Variants in ASXL3 observed in about 807,000 individuals in gnomAD.
The protein encoded by ASXL3 is ASXL transcriptional regulator 3, also known as putative Polycomb group protein ASXL3.
A neutral mutation model predicts 170.6 loss-of-function variants in ASXL3; 34 were observed. The ratio of observed to expected loss-of-function variants is 0.20; its 90% CI spans 0.15 to 0.27. The LOEUF (loss-of-function observed/expected upper bound fraction) is 0.27, where lower values mean the gene tolerates loss of function less well. Ranked by LOEUF, ASXL3 falls within the 10% of genes least tolerant of loss-of-function variation. The pLI, the probability that ASXL3 is intolerant of heterozygous loss-of-function variation, is 1.00. For missense variants in ASXL3, 2,592 were observed against 2,695.3 expected (o/e 0.96, Z 0.85); for synonymous variants, 1,002 against 989.1 (o/e 1.01, Z -0.24).
At chr18:33,592,158 A>G (rs919836679) in intron 1 of ASXL3, among the ~76,000 whole-genome samples, 5 of 152,186 alleles carry the variant, frequency 3.3e-5, no homozygotes, top group African/African-American at 1.2e-4. Flanking sequence ...ATCTAAGCAC[A>G]TGAAAGGTAT....
At chr18:33,672,158 A>G (rs898328813) in intron 7 of ASXL3, among the ~76,000 whole-genome samples, 3 of 152,138 alleles carry the variant, frequency 2.0e-5, no homozygotes, top group Admixed American at 6.6e-5. Context: ...GATACTATCT[A>G]ATGTGCGGTG....
chr18:33,600,175 G>A (rs913270792), intron 1 of ASXL3, among the ~76,000 whole-genome samples: 1 of 152,016 alleles, frequency 6.6e-6, no homozygotes, highest in African/African-American at 2.4e-5. Flanking sequence ...AGAAACTAAG[G>A]ATCTATTAGT....
intron 2 of ASXL3, among the ~76,000 whole-genome samples, chr18:33,623,223 G>A (rs902345063): frequency 6.6e-5 from 10 of 152,194 alleles, no homozygotes; most frequent in South Asian, 6.2e-4. Flanking sequence ...CGTAATATGT[G>A]TGTTCTTCTG....
intron 4 of ASXL3, among the ~76,000 whole-genome samples, chr18:33,659,019 A>G (rs2066129209): frequency 6.6e-6 from 1 of 152,118 alleles, no homozygotes; most frequent in Admixed American, 6.6e-5. Context: ...TTAACTCAAA[A>G]TGTACAGTGT....
At chr18:33,677,432 A>G (rs528205135) in intron 7 of ASXL3, among the ~76,000 whole-genome samples, 1 of 152,300 alleles carries the variant, frequency 6.6e-6, no homozygotes, top group East Asian at 1.9e-4. Flanking sequence ...AGATTAAATA[A>G]AAAAGTAAAA....
At chr18:33,711,000 A>AT (rs1342496195) in intron 8 of ASXL3, among the ~76,000 whole-genome samples, 26 of 152,056 alleles carry the variant, frequency 1.7e-4, no homozygotes, top group African/African-American at 6.0e-4. Context: ...TCTAAGGTTG[A>AT]TTTTAAAATG....
In ASXL3 at chr18:33,744,451, C is replaced by G. The variant is rs375456959; in HGVS notation, c.4603C>G (p.His1535Asp). Reference protein sequence around the residue: ...PEPVANEGIDHSSTFIAASAA... With the variant: ...PEPVANEGIDDSSTFIAASAA... Reference sequence around the variant, plus strand: ...GCCAGTTGCCAACGAAGGTATAGATCACAGTTCCACTTTCATTGCTGCTTC... The same window carrying G: ...GCCAGTTGCCAACGAAGGTATAGATGACAGTTCCACTTTCATTGCTGCTTC... The change falls in exon 12 of 12, where the codon CAC becomes GAC. Residue 1535 changes from histidine to aspartate, a missense_variant. His to Asp is a moderately conservative substitution (Grantham distance 81). This residue lies in a region of ASXL3 where 2,246 missense variants were observed against 2,219.6 expected (regional missense o/e 1.01). Coordinates refer to ENST00000269197, the MANE Select transcript of ASXL3 (RefSeq NM_030632.3). The G allele has an allele frequency of 6.2e-7, 1 of 1,613,472 alleles. No homozygotes were observed. Among genetic ancestry groups the G allele is most frequent in the Non-Finnish European group, 8.5e-7 (1 of 1,179,812 alleles).
intron 2 of ASXL3, among the ~76,000 whole-genome samples, chr18:33,612,467 C>T (rs2065350843): frequency 6.6e-6 from 1 of 152,034 alleles, no homozygotes; most frequent in African/African-American, 2.4e-5. Context: ...CATGCATTGA[C>T]ATCCCAGATT....
At chr18:33,697,911 C>CGA (rs2066799215) in intron 8 of ASXL3, among the ~76,000 whole-genome samples, 1 of 152,100 alleles carries the variant, frequency 6.6e-6, no homozygotes, top group Admixed American at 6.6e-5. Flanking sequence ...GATACTCTGT[C>CGA]TTCTCCTGTT....
chr18:33,709,780 A>G (rs550626824), intron 8 of ASXL3, among the ~76,000 whole-genome samples: 45 of 152,180 alleles, frequency 3.0e-4, no homozygotes, highest in Non-Finnish European at 5.3e-4. Flanking sequence ...ACATGTGCAA[A>G]AATTAAAGAA....
intron 7 of ASXL3, among the ~76,000 whole-genome samples, chr18:33,674,831 G>C (rs1484367752): frequency 6.6e-6 from 1 of 151,902 alleles, no homozygotes; most frequent in Non-Finnish European, 1.5e-5. Flanking sequence ...TGTTAGCCAG[G>C]ATGGTCTCGA....
chr18:33,679,209 C>CTA (rs952678297), intron 7 of ASXL3, among the ~76,000 whole-genome samples: 2 of 151,846 alleles, frequency 1.3e-5, no homozygotes, highest in African/African-American at 4.8e-5. Flanking sequence ...TTTTTTCTCT[C>CTA]TATATATATA....
chr18:33,702,298 CT>C (rs1004351312), intron 8 of ASXL3, among the ~76,000 whole-genome samples: 8 of 151,404 alleles, frequency 5.3e-5, no homozygotes, highest in East Asian at 3.9e-4. Context: ...CTCTCTTACT[CT>C]TTTTTTTTGC....
At chr18:33,605,825 T>A (rs938654069) in intron 1 of ASXL3, among the ~76,000 whole-genome samples, 1 of 151,890 alleles carries the variant, frequency 6.6e-6, no homozygotes, top group African/African-American at 2.4e-5. Flanking sequence ...GTCTCCTCTT[T>A]CCCCATCGTA....
intron 1 of ASXL3, among the ~76,000 whole-genome samples, chr18:33,587,117 G>T (rs2065040832): frequency 6.6e-6 from 1 of 152,100 alleles, no homozygotes; most frequent in African/African-American, 2.4e-5. Flanking sequence ...AATCATTCCT[G>T]TTTAAAACGT....
intron 2 of ASXL3, among the ~76,000 whole-genome samples, chr18:33,628,444 C>T (rs1270471304): frequency 6.6e-6 from 1 of 152,036 alleles, no homozygotes. Flanking sequence ...TTGAAAATTT[C>T]CAGAGTTTTC....
chr18:33,659,065 A>T (rs2066130168), intron 4 of ASXL3, among the ~76,000 whole-genome samples: 1 of 152,084 alleles, frequency 6.6e-6, no homozygotes, highest in Non-Finnish European at 1.5e-5. Context: ...CCAATGTCTG[A>T]TGGTTTCCTA....
intron 8 of ASXL3, among the ~76,000 whole-genome samples, chr18:33,713,046 C>T (rs1436977257): frequency 6.6e-6 from 1 of 151,950 alleles, no homozygotes; most frequent in African/African-American, 2.4e-5. Flanking sequence ...ATACATCACA[C>T]GTGCTCACGT....
intron 5 of ASXL3, among the ~76,000 whole-genome samples, chr18:33,664,111 C>T (rs530305309): frequency 1.5e-3 from 233 of 152,172 alleles, no homozygotes; most frequent in Middle Eastern, 0.01. Context: ...CTCCATTTTA[C>T]GTGGGATATA....
Sources: gnomAD v4.1 joint callset for allele counts (sites outside exome capture counted in the v4.1 genomes callset) on GRCh38, gnomAD v4.1.1 for gene constraint, gnomAD v4.1.1 regional missense constraint, MANE v1.5 for transcripts, NCBI Gene and HGNC (gene_info 2026-07-23, HGNC 2026-07-21) for gene names.